Variants in PKHD1 observed in about 807,000 individuals in gnomAD.
PKHD1 encodes PKHD1 ciliary IPT domain containing fibrocystin/polyductin.
PKHD1 carries 291 observed loss-of-function variants against 412.0 expected under a neutral mutation model. The ratio of observed to expected loss-of-function variants is 0.71; its 90% CI spans 0.64 to 0.78. The LOEUF is 0.78. PKHD1 is among the 30% of genes least tolerant of loss of function. The probability of loss-of-function intolerance (pLI) is 0.00; values close to 1 mark genes in which losing one functional copy is unlikely to be tolerated. For missense variants in PKHD1, 4,825 were observed against 4,950.7 expected (o/e 0.97, Z 0.76); for synonymous variants, 1,777 against 1,821.5 (o/e 0.98, Z 0.62).
In PKHD1 at chr6:52,050,257, T is replaced by C. The variant is rs1419399644; in HGVS notation, c.2179A>G (p.Asn727Asp). Residue 727 changes from asparagine to aspartate, a missense_variant, in exon 22 of 67, where the codon AAT becomes GAT. Transcript: ENST00000371117. ...ADSGTARPGGNLVESVSVVGS... is the reference protein window; with the variant it reads ...ADSGTARPGGDLVESVSVVGS... ...ACCACAGAGACTGATTCCACCAGAT[T>C]GCCCCCTGGGCGAGCCGTTCCAGAA... The C allele has an allele frequency of 1.2e-6, 2 of 1,614,140 alleles. No individual in the cohort carries two copies. The highest frequency in any genetic ancestry group is 1.7e-6 in the Non-Finnish European group (2 of 1,179,998).
intron 60 of PKHD1, among the ~76,000 whole-genome samples, chr6:51,666,102 T>G (rs1484331744): frequency 1.3e-5 from 2 of 152,028 alleles, no homozygotes; most frequent in Non-Finnish European, 2.9e-5. Flanking sequence ...AAACAGTCAT[T>G]GTGAAAGAGG....
At chr6:51,658,385 C>A (rs1772237417) in intron 61 of PKHD1, among the ~76,000 whole-genome samples, 1 of 152,106 alleles carries the variant, frequency 6.6e-6, no homozygotes, top group Non-Finnish European at 1.5e-5. Flanking sequence ...TACAAAAAGA[C>A]AATCAATGTA....
At chr6:51,641,557 C>T (rs2580015) in intron 63 of PKHD1, among the ~76,000 whole-genome samples, 3,795 of 152,170 alleles carry the variant, frequency 0.025, 172 homozygotes, top group African/African-American at 0.086. Flanking sequence ...ATATCCAAAG[C>T]ATTATAAATC....
intron 35 of PKHD1, among the ~76,000 whole-genome samples, chr6:52,005,064 G>A (rs537399153): frequency 6.6e-6 from 1 of 152,182 alleles, no homozygotes; most frequent in Non-Finnish European, 1.5e-5. Flanking sequence ...ATCTCTGATT[G>A]GAAACTGAGA....
At chr6:51,967,181 C>T (rs933182710) in intron 35 of PKHD1, among the ~76,000 whole-genome samples, 3 of 152,060 alleles carry the variant, frequency 2.0e-5, no homozygotes, top group Non-Finnish European at 2.9e-5. Context: ...TAACATATAA[C>T]GAGGTCAGCA....
intron 21 of PKHD1, 47 bp downstream of exon 21, chr6:52,053,029 G>C: frequency 1.3e-6 from 2 of 1,577,374 alleles, no homozygotes. Flanking sequence ...GAAAGTTTGA[G>C]GTAGGCATGT....
chr6:51,644,030 A>C (rs1039009156), intron 63 of PKHD1, among the ~76,000 whole-genome samples: 1 of 152,210 alleles, frequency 6.6e-6, no homozygotes, highest in Non-Finnish European at 1.5e-5. Context: ...ATAAAACAAT[A>C]AGACGAAGCA....
At chr6:51,842,612 C>T (rs1462199788) in intron 50 of PKHD1, among the ~76,000 whole-genome samples, 1 of 150,840 alleles carries the variant, frequency 6.6e-6, no homozygotes, top group Non-Finnish European at 1.5e-5. Flanking sequence ...CTCCAATCTT[C>T]TCCTCCTGTT....
Position 51,746,863 on chromosome 6 carries a change from T to C in PKHD1, c.9856A>G (p.Ser3286Gly), listed in dbSNP as rs770299635. Residue 3286 changes from serine to glycine, a missense_variant, in exon 59 of 67, where the codon AGT (serine) becomes GGT (glycine). Ser to Gly is a moderately conservative substitution (Grantham distance 56, BLOSUM62 0). Transcript: ENST00000371117. ...ACATCCAGGTCATCGCTATAGCAAC[T>C]CTTCACAAAACTAGAAAAGGTAACA... ...QDVTFSSFVKSCYSDDLDVCI... is the reference protein window; with the variant it reads ...QDVTFSSFVKGCYSDDLDVCI... 13 of 1,608,010 alleles carry C rather than the reference T, an allele frequency of 8.1e-6. No homozygotes were observed. The South Asian group carries it at 1.0e-4, about 12-fold the overall frequency.
chr6:51,697,864 C>T (rs1410100580), intron 60 of PKHD1, among the ~76,000 whole-genome samples: 1 of 152,100 alleles, frequency 6.6e-6, no homozygotes, highest in African/African-American at 2.4e-5. Flanking sequence ...TTGTCTCCTA[C>T]CTGGCATTTA....
chr6:51,952,988 G>C (rs1212564704), intron 36 of PKHD1, among the ~76,000 whole-genome samples: 1 of 152,060 alleles, frequency 6.6e-6, no homozygotes, highest in Non-Finnish European at 1.5e-5. Context: ...TTTCCATTTT[G>C]TGCATTGATT....
chr6:52,032,966 A>T, intron 29 of PKHD1, 64 bp downstream of exon 29: 1 of 1,399,310 alleles, frequency 7.1e-7, no homozygotes, highest in South Asian at 1.2e-5. Context: ...GAGGACATTG[A>T]TTGCCCTTTT....
intron 39 of PKHD1, among the ~76,000 whole-genome samples, chr6:51,910,784 C>T (rs527282466): frequency 6.6e-6 from 1 of 152,224 alleles, no homozygotes; most frequent in East Asian, 1.9e-4. Context: ...GTTATCCAAA[C>T]ATTCTTTTTA....
At chr6:51,830,035 ATTG>A (rs1465881037) in intron 52 of PKHD1, among the ~76,000 whole-genome samples, 1 of 152,172 alleles carries the variant, frequency 6.6e-6, no homozygotes, top group African/African-American at 2.4e-5. Flanking sequence ...TTCCCGGCAC[ATTG>A]TTAGTTCTCA....
rs1274316094 is a variant in PKHD1 at position 51,911,702 on chromosome 6, A to G, written c.6490+97T>C. 14 of 1,094,508 alleles carry G rather than the reference A, an allele frequency of 1.3e-5. 1 individual carries two copies. The South Asian group carries it at 1.4e-4, about 11-fold the overall frequency. 67.8% of individuals were successfully genotyped at this position (1,094,508 alleles called of 1,614,324 possible). ...CATCCAAAGTTTAAGGGCTTATTCT[A>G]TTTTAAAAGAGGTCAACCACAGCAA... On this transcript the variant is annotated intron_variant, in intron 39 of 66. Coordinates refer to ENST00000371117, the MANE Select transcript of PKHD1 (RefSeq NM_138694.4).
chr6:51,854,992 A>AT (rs1773018760), intron 49 of PKHD1, among the ~76,000 whole-genome samples: 1 of 152,218 alleles, frequency 6.6e-6, no homozygotes, highest in South Asian at 2.1e-4. Flanking sequence ...GCTTAAGCAG[A>AT]TTCCAGCTGA....
At chr6:52,064,565 G>A (rs1423818954) in intron 13 of PKHD1, among the ~76,000 whole-genome samples, 1 of 152,056 alleles carries the variant, frequency 6.6e-6, no homozygotes, top group East Asian at 1.9e-4. Context: ...CTGTTGTTTT[G>A]AGCATAGCAG....
Position 52,033,154 on chromosome 6 carries a change from T to C in PKHD1, c.3240A>G (p.Gly1080=). The C allele has an allele frequency of 1.9e-6, 3 of 1,612,706 alleles. No homozygotes were observed. The highest frequency in any genetic ancestry group is 2.5e-6 in the Non-Finnish European group (3 of 1,178,824). The change falls in exon 29 of 67, where the codon GGA becomes GGG. Residue 1080 remains glycine (G), a synonymous_variant. Coordinates refer to ENST00000371117, the MANE Select transcript of PKHD1 (RefSeq NM_138694.4). ...TGATCACAGTCACATTCACAATGCG[T>C]CCATCTTTCCCCTGAAAAATCAATT... ...QCKVPPRGKD[G]RIVNVTVIRG...
At chr6:51,647,218 C>G (rs1770207443) in intron 63 of PKHD1, among the ~76,000 whole-genome samples, 3 of 152,216 alleles carry the variant, frequency 2.0e-5, no homozygotes, top group African/African-American at 4.8e-5. Context: ...TCTCTTTTGT[C>G]TCTTTGAGTA....
Sources: gnomAD v4.1 joint callset for allele counts (sites outside exome capture counted in the v4.1 genomes callset) on GRCh38, gnomAD v4.1.1 for gene constraint, MANE v1.5 for transcripts, NCBI Gene and HGNC (gene_info 2026-07-23, HGNC 2026-07-21) for gene names.